The following CACNG2 variants were observed in gnomAD, a reference collection of about 807,000 sequenced individuals.
The protein encoded by CACNG2 is voltage-dependent calcium channel gamma-2 subunit.
In CACNG2, 3 loss-of-function variants were observed where a neutral mutation model predicts 25.9. That is an observed-to-expected ratio of 0.12 (90% CI 0.05 to 0.30). The LOEUF (loss-of-function observed/expected upper bound fraction) is 0.30. Among genes scored for constraint, CACNG2 ranks in the 10% least tolerant of loss-of-function variants. The pLI, the probability that CACNG2 is intolerant of heterozygous loss-of-function variation, is 1.00. For synonymous variants in CACNG2, 167 were observed against 173.3 expected, an observed-to-expected ratio of 0.96 and a Z score of 0.29; for missense variants, 341 against 432.5, an observed-to-expected ratio of 0.79 and a Z score of 1.88.
At chr22:36,683,857 C>T (rs144064274) in intron 1 of CACNG2, among the ~76,000 whole-genome samples, 3 of 152,102 alleles carry the variant, frequency 2.0e-5, no homozygotes, top group African/African-American at 4.8e-5. Flanking sequence ...CTCTCCACCC[C>T]CCGCGACCCC....
chr22:36,602,449 G>A (rs983497992), intron 1 of CACNG2, among the ~76,000 whole-genome samples: 1 of 151,998 alleles, frequency 6.6e-6, no homozygotes, highest in East Asian at 1.9e-4. Context: ...GCAGTGGTGC[G>A]ATCTCGGCTC....
At position 36,563,484 on chromosome 22, in the gene CACNG2, C is replaced by T. The variant is rs1158080198; in HGVS notation, c.*867G>A. On this transcript the variant is annotated 3_prime_UTR_variant, in exon 4 of 4. Coordinates refer to ENST00000300105, the MANE Select transcript of CACNG2 (RefSeq NM_006078.5). Reference sequence around the variant, plus strand: ...TCTTGGTAAGCCACCGGCAGCCTCCCCTCTCCTTCCCTTTCCTCAAGGCCT... The same window carrying T: ...TCTTGGTAAGCCACCGGCAGCCTCCTCTCTCCTTCCCTTTCCTCAAGGCCT... 6.6e-6 allele frequency among the ~76,000 whole-genome samples: 1 copy of T among 152,124 alleles called. No individual in the cohort carries two copies. The highest frequency in any genetic ancestry group is 1.5e-5 in the Non-Finnish European group (1 of 67,986).
intron 1 of CACNG2, among the ~76,000 whole-genome samples, chr22:36,615,773 A>G (rs893163787): frequency 2.0e-4 from 4 of 19,708 alleles, no homozygotes; most frequent in Non-Finnish European, 4.5e-4. Context: ...TATTTGTGGA[A>G]CAGTCTGATT....
At chr22:36,628,335 T>A (rs776952949) in intron 1 of CACNG2, among the ~76,000 whole-genome samples, 20 of 152,198 alleles carry the variant, frequency 1.3e-4, no homozygotes, top group Non-Finnish European at 2.8e-4. Flanking sequence ...CTTGCCCAGA[T>A]GGATATTAGA....
chr22:36,642,047 G>C (rs1936449204), intron 1 of CACNG2, among the ~76,000 whole-genome samples: 1 of 152,154 alleles, frequency 6.6e-6, no homozygotes. Flanking sequence ...TATGATCCCT[G>C]CTGAGAGAGA....
intron 1 of CACNG2, among the ~76,000 whole-genome samples, chr22:36,695,049 C>G (rs1937317793): frequency 6.6e-6 from 1 of 152,074 alleles, no homozygotes; most frequent in South Asian, 2.1e-4. Flanking sequence ...CACCTCATCT[C>G]TACAAGAAAC....
chr22:36,569,479 G>T (rs1358501827), intron 2 of CACNG2, among the ~76,000 whole-genome samples: 1 of 152,194 alleles, frequency 6.6e-6, no homozygotes, highest in Admixed American at 6.5e-5. Context: ...GCTAAGGCGG[G>T]TGCTCACTTC....
At chr22:36,576,214 A>G (rs1043601092) in intron 2 of CACNG2, among the ~76,000 whole-genome samples, 9 of 152,352 alleles carry the variant, frequency 5.9e-5, no homozygotes, top group African/African-American at 2.2e-4. Flanking sequence ...GGAATGACTA[A>G]TGGCATTTGC....
intron 2 of CACNG2, among the ~76,000 whole-genome samples, chr22:36,582,894 A>T (rs1460981256): frequency 6.6e-6 from 1 of 152,006 alleles, no homozygotes; most frequent in Non-Finnish European, 1.5e-5. Flanking sequence ...CCTGGCATAC[A>T]GGGGGGCCCA....
intron 1 of CACNG2, among the ~76,000 whole-genome samples, chr22:36,679,197 C>CTTTCTTTCTTTCTTT (rs1937060219): frequency 2.1e-3 from 116 of 54,806 alleles, no homozygotes; most frequent in African/African-American, 7.0e-3. Flanking sequence ...TTCCTTCCTT[C>CTTTCTTTCTTTCTTT]CTTTCTTTCT....
intron 2 of CACNG2, among the ~76,000 whole-genome samples, chr22:36,576,716 A>T (rs1331697132): frequency 2.0e-5 from 3 of 152,072 alleles, no homozygotes; most frequent in Non-Finnish European, 4.4e-5. Flanking sequence ...TGGGTTCCAG[A>T]TGCAGCCCGC....
chr22:36,635,026 G>A (rs1354888012), intron 1 of CACNG2, among the ~76,000 whole-genome samples: 1 of 152,208 alleles, frequency 6.6e-6, no homozygotes, highest in African/African-American at 2.4e-5. Flanking sequence ...GCTCACGCCT[G>A]TAATCCCAGC....
intron 1 of CACNG2, among the ~76,000 whole-genome samples, chr22:36,666,774 C>G (rs1236353442): frequency 2.0e-5 from 3 of 152,100 alleles, no homozygotes; most frequent in South Asian, 4.1e-4. Flanking sequence ...GGGAACCATA[C>G]TTCCTAACTT....
At chr22:36,573,803 C>G (rs866273040) in intron 2 of CACNG2, among the ~76,000 whole-genome samples, 6 of 152,214 alleles carry the variant, frequency 3.9e-5, no homozygotes, top group Middle Eastern at 3.2e-3. Flanking sequence ...TTCAAAGCAT[C>G]CTCTGAGCTT....
intron 1 of CACNG2, among the ~76,000 whole-genome samples, chr22:36,619,434 A>G (rs1936073161): frequency 6.6e-6 from 1 of 152,228 alleles, no homozygotes; most frequent in South Asian, 2.1e-4. Flanking sequence ...AGTCAAATGA[A>G]CAATGTTGAT....
intron 2 of CACNG2, chr22:36,584,992 G>C (rs1935476426): frequency 1.3e-5 from 2 of 152,332 alleles, no homozygotes; most frequent in Non-Finnish European, 2.9e-5. Flanking sequence ...CTGGCGAATG[G>C]GGGCCCAGCT....
Position 36,685,768 on chromosome 22 carries a change from A to G in CACNG2, c.211+16598T>C, listed in dbSNP as rs16997179. ...CCTAGGAGCGGCTGATTCCACGGGA[A>G]GCCAAGGCACTAACTAATTTGTTCC... On this transcript the variant is annotated intron_variant, in intron 1 of 3. Transcript: ENST00000300105. 1.6e-4 allele frequency among the ~76,000 whole-genome samples: 24 copies of G among 152,376 alleles called. No individual in the cohort carries two copies. The East Asian group carries it at 2.3e-3, about 15-fold the overall frequency.
At chr22:36,685,228 T>C (rs1296093663) in intron 1 of CACNG2, among the ~76,000 whole-genome samples, 1 of 152,094 alleles carries the variant, frequency 6.6e-6, no homozygotes, top group Non-Finnish European at 1.5e-5. Context: ...CCTGCTGCTG[T>C]TCCTCTTCGC....
intron 1 of CACNG2, among the ~76,000 whole-genome samples, chr22:36,659,693 A>C (rs1237586022): frequency 6.6e-6 from 1 of 152,010 alleles, no homozygotes; most frequent in Non-Finnish European, 1.5e-5. Context: ...ACACAGGCAC[A>C]CAGGTGAAAT....
Sources: gnomAD v4.1 joint callset for allele counts (sites outside exome capture counted in the v4.1 genomes callset) on GRCh38, gnomAD v4.1.1 for gene constraint, MANE v1.5 for transcripts, NCBI Gene and HGNC (gene_info 2026-07-23, HGNC 2026-07-21) for gene names.